Variants in CDON observed in about 807,000 individuals in gnomAD.
The protein encoded by CDON is cell adhesion molecule-related/down-regulated by oncogenes.
In CDON, 73 loss-of-function variants were observed where a neutral mutation model predicts 120.9. The observed-to-expected ratio is 0.60, with a 90% CI of 0.50 to 0.73. The LOEUF (loss-of-function observed/expected upper bound fraction) is 0.73. CDON is among the 30% of genes least tolerant of loss of function. CDON has a pLI of 0.00. For synonymous variants in CDON, 566 were observed against 573.5 expected (o/e 0.99, Z 0.19); for missense variants, 1,470 against 1,587.3 (o/e 0.93, Z 1.26).
At position 125,983,996 on chromosome 11, in the gene CDON, G is replaced by A; in HGVS notation, c.2871C>T (p.Ser957=). Residue 957 remains serine, a synonymous_variant, in exon 16 of 20, where the codon AGC becomes AGT. Transcript: ENST00000531738. ...GSGGNVGPAT[S]PARSSDMLYL... is the part of the protein sequence containing the mutation. ...ATAACATGTCACTGCTTCTGGCAGG[G>A]CTGGTTGCAGGCCCCACATTTCCTC... 4 of 1,614,022 alleles carry A rather than the reference G, an allele frequency of 2.5e-6. No homozygotes were observed. Among genetic ancestry groups the A allele is most frequent in the Non-Finnish European group, 3.4e-6 (4 of 1,179,902 alleles).
chr11:126,037,995 A>G (rs1948148130), intron 1 of CDON, among the ~76,000 whole-genome samples: 1 of 152,252 alleles, frequency 6.6e-6, no homozygotes, highest in Non-Finnish European at 1.5e-5. Flanking sequence ...GGGGGAAAAA[A>G]CAGCAAAGAT....
chr11:126,048,047 C>T (rs1591430138), intron 1 of CDON, among the ~76,000 whole-genome samples: 2 of 152,040 alleles, frequency 1.3e-5, no homozygotes, highest in East Asian at 3.9e-4. Context: ...GAGGCTGAGG[C>T]AGGTGGATCA....
chr11:125,983,965 T>C lies in CDON; in HGVS notation c.2902A>G (p.Ile968Val). 1 of 1,614,104 alleles carries C rather than the reference T, an allele frequency of 6.2e-7. No homozygotes were observed. Among genetic ancestry groups the C allele is most frequent in the Middle Eastern group, 1.6e-4 (1 of 6,062 alleles). ...ATGACGCCCAGCACACAGCCAACGATCAGATATAACATGTCACTGCTTCTG... is the reference window on the plus strand; with the variant it reads ...ATGACGCCCAGCACACAGCCAACGACCAGATATAACATGTCACTGCTTCTG... The part of the protein sequence containing the change: ...PARSSDMLYL[I>V]VGCVLGVMVL... Residue 968 changes from isoleucine (I) to valine (V), a missense_variant, in exon 16 of 20, where the codon ATC becomes GTC. Coordinates refer to ENST00000531738, the MANE Select transcript of CDON (RefSeq NM_001378964.1).
chr11:126,049,449 A>G (rs1362837003), intron 1 of CDON, among the ~76,000 whole-genome samples: 1 of 152,222 alleles, frequency 6.6e-6, no homozygotes, highest in African/African-American at 2.4e-5. Context: ...GCTGCACTCC[A>G]CTGCTATTAC....
intron 1 of CDON, among the ~76,000 whole-genome samples, chr11:126,039,425 T>C (rs139492479): frequency 4.6e-5 from 7 of 152,340 alleles, no homozygotes; most frequent in Admixed American, 4.6e-4. Flanking sequence ...GAAAACAAAG[T>C]AGTAAGCAAG....
chr11:126,010,644 C>T lies in CDON; in HGVS notation c.1249G>A (p.Ala417Thr). 1.2e-6 allele frequency: 2 copies of T among 1,614,186 alleles called. No individual in the cohort carries two copies. The highest frequency in any genetic ancestry group is 2.2e-5 in the East Asian group (1 of 44,888). The change falls in exon 8 of 20, where the codon GCA becomes ACA. Residue 417 changes from alanine to threonine, a missense_variant. By Grantham distance (58) the Ala-to-Thr change is moderately conservative (BLOSUM62 0). Transcript: ENST00000531738. ...GACAGAGTAACAAAGTCTCCGTCTG[C>T]AACCTTTGCACTTACTGGTGCCGTA... Reference protein sequence around the residue: ...IITAPVSAKVADGDFVTLSCN... With the variant: ...IITAPVSAKVTDGDFVTLSCN...
At chr11:126,057,917 T>C (rs921798482) in intron 1 of CDON, among the ~76,000 whole-genome samples, 1 of 152,220 alleles carries the variant, frequency 6.6e-6, no homozygotes, top group Non-Finnish European at 1.5e-5. Context: ...ACTTTCATTA[T>C]CTCATTTAAT....
intron 1 of CDON, among the ~76,000 whole-genome samples, chr11:126,053,298 T>G (rs2134930668): frequency 6.6e-6 from 1 of 152,334 alleles, no homozygotes; most frequent in South Asian, 2.1e-4. Flanking sequence ...CTCAGGAGTT[T>G]AGTAATCTAT....
At chr11:126,004,311 A>G in intron 9 of CDON, 1 of 539,740 alleles carries the variant, frequency 1.9e-6, no homozygotes. Context: ...TCTGACCACT[A>G]ATGTGTGGCC....
chr11:125,981,407 CACACAT>C, intron 16 of CDON, 78 bp from the exon 17 acceptor site: 1 of 1,435,422 alleles, frequency 7.0e-7, no homozygotes. Flanking sequence ...CACACGCATG[CACACAT>C]GCACATACGC....
chr11:125,988,618 T>C (rs1246720012), intron 15 of CDON, among the ~76,000 whole-genome samples: 1 of 152,226 alleles, frequency 6.6e-6, no homozygotes, highest in African/African-American at 2.4e-5. Flanking sequence ...CAGTTGACAG[T>C]ATTCTCAAAG....
chr11:125,975,269 T>G (rs1946120354), intron 18 of CDON, among the ~76,000 whole-genome samples: 1 of 152,252 alleles, frequency 6.6e-6, no homozygotes, highest in African/African-American at 2.4e-5. Flanking sequence ...TTCTTCAAAC[T>G]CTACTCACTA....
intron 6 of CDON, 90 bp from the exon 7 acceptor site, chr11:126,015,600 T>C (rs1947443235): frequency 3.0e-6 from 4 of 1,344,012 alleles, no homozygotes; most frequent in African/African-American, 2.9e-5. Flanking sequence ...TCTCTACCAA[T>C]AACCAGTTGA....
intron 1 of CDON, among the ~76,000 whole-genome samples, chr11:126,061,996 C>G (rs936874178): frequency 2.6e-5 from 4 of 152,198 alleles, no homozygotes; most frequent in African/African-American, 9.7e-5. Flanking sequence ...GGTCTGGAAG[C>G]TGCCGACTGA....
chr11:125,983,459 G>C (rs1312098339), intron 16 of CDON, among the ~76,000 whole-genome samples: 1 of 152,140 alleles, frequency 6.6e-6, no homozygotes, highest in Non-Finnish European at 1.5e-5. Context: ...CAGTGACTTA[G>C]ACAAGTTTTC....
intron 1 of CDON, among the ~76,000 whole-genome samples, chr11:126,042,915 G>A (rs774427126): frequency 2.6e-5 from 4 of 152,314 alleles, no homozygotes; most frequent in African/African-American, 9.6e-5. Flanking sequence ...GAGCCACCTC[G>A]CCTGGCCGAT....
chr11:126,033,921 T>C (rs1483264328), intron 1 of CDON, among the ~76,000 whole-genome samples: 1 of 152,170 alleles, frequency 6.6e-6, no homozygotes, highest in Non-Finnish European at 1.5e-5. Flanking sequence ...ATGTATCTTC[T>C]GACCTGCCGC....
intron 18 of CDON, among the ~76,000 whole-genome samples, chr11:125,977,677 C>T (rs541011626): frequency 2.7e-4 from 41 of 152,160 alleles, no homozygotes; most frequent in South Asian, 8.3e-4. Context: ...AGAGAGAGGT[C>T]GTAGGAAAGT....
intron 1 of CDON, among the ~76,000 whole-genome samples, chr11:126,048,852 C>T (rs537169610): frequency 5.7e-4 from 87 of 152,216 alleles, no homozygotes; most frequent in African/African-American, 1.9e-3. Flanking sequence ...TACAGGCATG[C>T]GCCACCACAC....
Sources: allele counts gnomAD v4.1 joint callset (sites outside exome capture counted in the v4.1 genomes callset), GRCh38; gene constraint gnomAD v4.1.1; transcripts MANE v1.5; gene names NCBI Gene and HGNC (gene_info 2026-07-23, HGNC 2026-07-21).